Variants in PTPRC observed in about 807,000 individuals in gnomAD.
PTPRC encodes receptor-type tyrosine-protein phosphatase C.
Under a neutral mutation model 155.9 loss-of-function variants are expected in PTPRC, and 44 were observed. That is an observed-to-expected ratio of 0.28 (90% CI 0.22 to 0.36). PTPRC has a LOEUF of 0.36. Ranked by LOEUF, PTPRC falls within the 10% of genes least tolerant of loss-of-function variation. The probability of loss-of-function intolerance (pLI) is 1.00; values close to 1 mark genes in which losing one functional copy is unlikely to be tolerated. For synonymous variants in PTPRC, 525 were observed against 533.1 expected, an observed-to-expected ratio of 0.98 and a Z score of 0.21; for missense variants, 1,401 against 1,564.6, an observed-to-expected ratio of 0.90 and a Z score of 1.76.
At chr1:198,719,477 T>C (rs1653772768) in intron 14 of PTPRC, among the ~76,000 whole-genome samples, 1 of 152,228 alleles carries the variant, frequency 6.6e-6, no homozygotes, top group South Asian at 2.1e-4. Flanking sequence ...CCCTTTTTAT[T>C]TTTAAACAAA....
intron 18 of PTPRC, 102 bp downstream of exon 18, chr1:198,731,828 A>T: frequency 1.1e-6 from 1 of 884,932 alleles, no homozygotes; most frequent in Non-Finnish European, 1.9e-6. Flanking sequence ...ATCCCACTTG[A>T]TATTGCAACA....
At chr1:198,738,577 A>C (rs925410782) in intron 23 of PTPRC, among the ~76,000 whole-genome samples, 3 of 151,752 alleles carry the variant, frequency 2.0e-5, no homozygotes, top group Non-Finnish European at 4.4e-5. Flanking sequence ...TTTTTGCATC[A>C]GTATTCATCA....
At chr1:198,713,560 A>T (rs935969720) in intron 12 of PTPRC, among the ~76,000 whole-genome samples, 1 of 152,092 alleles carries the variant, frequency 6.6e-6, no homozygotes, top group African/African-American at 2.4e-5. Flanking sequence ...GCATAGTTCT[A>T]AGTTTAGAAT....
At chr1:198,646,875 T>C (rs1662968317) in intron 2 of PTPRC, among the ~76,000 whole-genome samples, 1 of 151,892 alleles carries the variant, frequency 6.6e-6, no homozygotes, top group Admixed American at 6.6e-5. Context: ...TAAAATAGTG[T>C]GTGGGGAAAG....
intron 2 of PTPRC, among the ~76,000 whole-genome samples, chr1:198,644,117 G>A (rs912356271): frequency 2.6e-5 from 4 of 151,808 alleles, no homozygotes; most frequent in African/African-American, 7.3e-5. Flanking sequence ...CATCAGTGCT[G>A]ACCTTTGATT....
chr1:198,709,806 A>G lies in PTPRC; in HGVS notation c.1153A>G (p.Ile385Val). 6.2e-7 allele frequency: 1 copy of G among 1,612,514 alleles called. No homozygotes were observed. Among genetic ancestry groups the G allele is most frequent in the Non-Finnish European group, 8.5e-7 (1 of 1,179,138 alleles). Reference protein sequence around the residue: ...NHKFTNASKIIKTDFGSPGEP... With the variant: ...NHKFTNASKIVKTDFGSPGEP... ...CAAGTTTACTAACGCAAGTAAAATT[A>G]TTAAAACAGATTTTGGGAGTGAGTA... The change falls in exon 11 of 33, where the codon ATT (isoleucine) becomes GTT (valine). Residue 385 changes from isoleucine (I) to valine (V), a missense_variant. By Grantham distance (29) the Ile-to-Val change is conservative (BLOSUM62 3). Coordinates refer to ENST00000442510, the MANE Select transcript of PTPRC (RefSeq NM_002838.5).
intron 2 of PTPRC, among the ~76,000 whole-genome samples, chr1:198,654,716 A>G (rs1422616051): frequency 6.6e-6 from 1 of 151,852 alleles, no homozygotes; most frequent in Admixed American, 6.6e-5. Context: ...AAATCATGCA[A>G]AGGAAAGTTT....
intron 2 of PTPRC, among the ~76,000 whole-genome samples, chr1:198,658,160 T>C (rs746926730): frequency 1.3e-5 from 2 of 152,188 alleles, no homozygotes; most frequent in Non-Finnish European, 2.9e-5. Context: ...AGAGAGATGT[T>C]TTCCTTTGTC....
chr1:198,723,529 T>A (rs1448123100), intron 15 of PTPRC, among the ~76,000 whole-genome samples: 2 of 152,216 alleles, frequency 1.3e-5, no homozygotes, highest in Non-Finnish European at 2.9e-5. Context: ...AAGATAGCTT[T>A]GATTTTATTT....
intron 2 of PTPRC, among the ~76,000 whole-genome samples, chr1:198,640,678 A>T (rs1662528778): frequency 6.6e-6 from 1 of 152,062 alleles, no homozygotes; most frequent in Non-Finnish European, 1.5e-5. Flanking sequence ...CACAAATCAG[A>T]ACAGATTTTC....
rs113798493 is a variant in PTPRC, at chr1:198,643,612, C to G, written c.73+4271C>G. 1.5e-3 allele frequency among the ~76,000 whole-genome samples: 229 copies of G among 151,978 alleles called. 2 individuals are homozygous for G. The highest frequency in any genetic ancestry group is 5.3e-3 in the African/African-American group (219 of 41,498). ...TATCTCACCTCTCGTCTGGAAAGAG[C>G]CTCCTGACTTCCTAAAAGTTCATAG... On this transcript the variant is annotated intron_variant, in intron 2 of 32. Transcript: ENST00000442510.
intron 2 of PTPRC, chr1:198,660,696 T>C (rs1482442070): frequency 6.6e-6 from 1 of 152,166 alleles, no homozygotes; most frequent in Non-Finnish European, 1.5e-5. Context: ...TGGACTCTAG[T>C]TTCCATCCTC....
intron 21 of PTPRC, 48 bp downstream of exon 21, chr1:198,734,280 A>G: frequency 6.2e-7 from 1 of 1,609,346 alleles, no homozygotes; most frequent in South Asian, 1.1e-5. Context: ...TTTTTATAGC[A>G]CTTTTAAGAA....
Position 198,742,307 on chromosome 1 carries a change from G to C in PTPRC, c.2637G>C (p.Val879=). Residue 879 remains valine, a synonymous_variant, in exon 25 of 33, where the codon GTG becomes GTC. Transcript: ENST00000442510. ...AAGGCCTGGAAGCCGAGAACAAAGTGGATGTTTATGGTTATGTTGTCAAGC... is the reference window on the plus strand; with the variant it reads ...AAGGCCTGGAAGCCGAGAACAAAGTCGATGTTTATGGTTATGTTGTCAAGC... The part of the protein sequence containing the change: ...MLEGLEAENK[V]DVYGYVVKLR... The C allele has an allele frequency of 1.2e-6, 2 of 1,612,328 alleles. No homozygotes were observed. The highest frequency in any genetic ancestry group is 1.7e-6 in the Non-Finnish European group (2 of 1,178,920).
chr1:198,664,069 A>G (rs1664137567), intron 2 of PTPRC, among the ~76,000 whole-genome samples: 1 of 152,084 alleles, frequency 6.6e-6, no homozygotes. Flanking sequence ...GAAGAGAATG[A>G]TAAATATTAT....
rs1558018300 is a variant in PTPRC, at chr1:198,716,670, A to AT, written c.1292-7dup. 4 of 1,610,368 alleles carry AT rather than the reference A, an allele frequency of 2.5e-6. No homozygotes were observed. The highest frequency in any genetic ancestry group is 3.4e-6 in the Non-Finnish European group (4 of 1,178,748). On this transcript the variant is annotated splice_polypyrimidine_tract_variant and intron_variant, in intron 12 of 32. Coordinates refer to ENST00000442510, the MANE Select transcript of PTPRC (RefSeq NM_002838.5). The stretch of plus-strand genomic sequence containing the variant: ...TAACGACTTACTAATTTTTTTTCAC[A>AT]TTTTTCCTCAGAAAAAGATTGCCTC...
At chr1:198,678,884 C>A (rs1014622347) in intron 2 of PTPRC, among the ~76,000 whole-genome samples, 6 of 151,776 alleles carry the variant, frequency 4.0e-5, no homozygotes, top group African/African-American at 7.3e-5. Flanking sequence ...ATTTGATGAC[C>A]CCATCACAGT....
chr1:198,723,117 A>ATG (rs1653972381), intron 15 of PTPRC, among the ~76,000 whole-genome samples: 1 of 149,326 alleles, frequency 6.7e-6, no homozygotes, highest in Non-Finnish European at 1.5e-5. Context: ...TCCTTCATAT[A>ATG]TATATATATA....
At chr1:198,685,986 A>G (rs1346294550) in intron 2 of PTPRC, among the ~76,000 whole-genome samples, 2 of 151,420 alleles carry the variant, frequency 1.3e-5, no homozygotes, top group Non-Finnish European at 1.5e-5. Flanking sequence ...AGAACGGGTG[A>G]TATTTAAAGC....
Sources: allele counts gnomAD v4.1 joint callset (sites outside exome capture counted in the v4.1 genomes callset), GRCh38; gene constraint gnomAD v4.1.1; transcripts MANE v1.5; gene names NCBI Gene and HGNC (gene_info 2026-07-23, HGNC 2026-07-21).